The following KLHL8 variants were observed in gnomAD, a reference collection of about 807,000 sequenced individuals.
KLHL8 encodes kelch like family member 8.
In KLHL8, 38 loss-of-function variants were observed where a neutral mutation model predicts 63.5. That is an observed-to-expected ratio of 0.60 (90% confidence interval 0.46 to 0.78). The LOEUF is 0.78. KLHL8 is among the 30% of genes least tolerant of loss of function. The pLI is 0.00. For missense variants in KLHL8, 566 were observed against 752.4 expected, an observed-to-expected ratio of 0.75 and a Z score of 2.90; for synonymous variants, 224 against 254.3, an observed-to-expected ratio of 0.88 and a Z score of 1.13.
Position 87,217,030 on chromosome 4 carries a change from A to G in KLHL8, c.-152+3388T>C, listed in dbSNP as rs562513711. ...TGGAGATCTGGGATTCTAATAGAGA[A>G]TTGTGTAGTACCAGAAGTGAGCTCA... On this transcript the variant is annotated intron_variant, in intron 1 of 9. Transcript: ENST00000273963. Among the ~76,000 whole-genome samples, 9 of 152,276 alleles carry G rather than the reference A, an allele frequency of 5.9e-5. No individual in the cohort carries two copies. The East Asian group carries it at 1.7e-3, about 29-fold the overall frequency.
intron 1 of KLHL8, among the ~76,000 whole-genome samples, chr4:87,235,924 A>G (rs928315621): frequency 6.6e-6 from 1 of 152,094 alleles, no homozygotes; most frequent in Admixed American, 6.6e-5. Flanking sequence ...GGAAGGGGGA[A>G]TCGAAGGCGC....
At chr4:87,236,699 C>T (rs1294089202) in intron 1 of KLHL8, among the ~76,000 whole-genome samples, 1 of 134,432 alleles carries the variant, frequency 7.4e-6, no homozygotes, top group Non-Finnish European at 1.5e-5. Context: ...GAGTCTCACT[C>T]TGTCACCCAG....
intron 1 of KLHL8, chr4:87,207,154 T>C: frequency 3.6e-6 from 2 of 562,892 alleles, no homozygotes. Flanking sequence ...GGGTTGCTTT[T>C]AACTCTGGAA....
chr4:87,197,682 C>T (rs889045893), intron 1 of KLHL8, among the ~76,000 whole-genome samples: 7 of 152,194 alleles, frequency 4.6e-5, no homozygotes, highest in Admixed American at 2.0e-4. Flanking sequence ...TAGACACCTT[C>T]TGTCAGGTCT....
At position 87,161,236 on chromosome 4, in the gene KLHL8, G is replaced by C. The variant is rs1470272907; in HGVS notation, c.*2283C>G. 1 of 152,096 alleles carries C rather than the reference G, an allele frequency of 6.6e-6. No individual in the cohort carries two copies. The highest frequency in any genetic ancestry group is 2.1e-4 in the South Asian group (1 of 4,822). 9.4% of individuals were successfully genotyped at this position (152,096 alleles called of 1,614,324 possible). ...TTTTTGTACTTTTAGTAGAGACAGGGTTTCACCATGTTGGTCAGGCTGGTC... is the reference window on the plus strand; with the variant it reads ...TTTTTGTACTTTTAGTAGAGACAGGCTTTCACCATGTTGGTCAGGCTGGTC... On this transcript the variant is annotated 3_prime_UTR_variant, in exon 10 of 10. Coordinates refer to ENST00000273963, the MANE Select transcript of KLHL8 (RefSeq NM_020803.5).
At chr4:87,210,613 G>A (rs947491500) in intron 1 of KLHL8, among the ~76,000 whole-genome samples, 2 of 152,168 alleles carry the variant, frequency 1.3e-5, no homozygotes, top group Middle Eastern at 6.3e-3. Context: ...GATGGAAGAC[G>A]TGTGTGCATT....
chr4:87,219,391 T>C (rs910679214), intron 1 of KLHL8: 89 of 152,106 alleles, frequency 5.9e-4, no homozygotes, highest in African/African-American at 2.0e-3. Flanking sequence ...AGAAAAACAA[T>C]GCAAAGGAAA....
intron 1 of KLHL8, among the ~76,000 whole-genome samples, chr4:87,201,955 A>C (rs1731933010): frequency 6.6e-6 from 1 of 152,134 alleles, no homozygotes; most frequent in Non-Finnish European, 1.5e-5. Flanking sequence ...CTAAATCAAA[A>C]AAATTAGCTG....
At chr4:87,227,080 A>C (rs548737214) in intron 1 of KLHL8, among the ~76,000 whole-genome samples, 34 of 140,146 alleles carry the variant, frequency 2.4e-4, no homozygotes, top group African/African-American at 8.9e-4. Flanking sequence ...CAATCTGAAA[A>C]GTTTATTTTT....
chr4:87,199,228 T>C (rs1051813187), intron 1 of KLHL8, among the ~76,000 whole-genome samples: 1 of 152,148 alleles, frequency 6.6e-6, no homozygotes, highest in Admixed American at 6.6e-5. Context: ...GTAGCTATAA[T>C]ATCAAACACA....
At chr4:87,181,338 G>C (rs1158597924) in intron 4 of KLHL8, among the ~76,000 whole-genome samples, 1 of 151,866 alleles carries the variant, frequency 6.6e-6, no homozygotes, top group Non-Finnish European at 1.5e-5. Context: ...GCTTGAACCT[G>C]GGAGGCATGG....
At chr4:87,235,499 A>G (rs973824822) in intron 1 of KLHL8, among the ~76,000 whole-genome samples, 2 of 152,188 alleles carry the variant, frequency 1.3e-5, no homozygotes, top group Admixed American at 6.5e-5. Context: ...ATTTCTCAGA[A>G]TCTTGTTAAG....
chr4:87,210,793 C>A (rs978212565), intron 1 of KLHL8, among the ~76,000 whole-genome samples: 18 of 152,154 alleles, frequency 1.2e-4, no homozygotes, highest in African/African-American at 4.3e-4. Flanking sequence ...CTTTACCACC[C>A]CTCTCTCCTG....
chr4:87,202,936 A>G (rs1354295666), intron 1 of KLHL8, among the ~76,000 whole-genome samples: 1 of 152,202 alleles, frequency 6.6e-6, no homozygotes, highest in East Asian at 1.9e-4. Context: ...TAATCCAGCA[A>G]AATATAGAGA....
chr4:87,175,266 T>C (rs1402465338), intron 6 of KLHL8, among the ~76,000 whole-genome samples: 2 of 152,210 alleles, frequency 1.3e-5, no homozygotes. Flanking sequence ...AATACATCTA[T>C]AGATACGGAG....
At chr4:87,191,537 TTTTA>T (rs1394683585) in intron 2 of KLHL8, among the ~76,000 whole-genome samples, 4 of 152,156 alleles carry the variant, frequency 2.6e-5, no homozygotes, top group African/African-American at 7.2e-5. Flanking sequence ...ATTCTTACAG[TTTTA>T]TTTTTATTTT....
chr4:87,186,234 G>T (rs973901944), intron 2 of KLHL8, among the ~76,000 whole-genome samples: 1 of 151,812 alleles, frequency 6.6e-6, no homozygotes, highest in African/African-American at 2.4e-5. Flanking sequence ...TTTCAGTAGA[G>T]ACAGGGTTTC....
intron 6 of KLHL8, among the ~76,000 whole-genome samples, chr4:87,176,409 C>T (rs181422633): frequency 1.1e-3 from 173 of 152,284 alleles, no homozygotes; most frequent in African/African-American, 4.1e-3. Context: ...ATAGAGGGGA[C>T]AAAATCATCC....
chr4:87,207,585 C>G, intron 1 of KLHL8: 1 of 1,199,642 alleles, frequency 8.3e-7, no homozygotes, highest in Non-Finnish European at 1.2e-6. Flanking sequence ...TCCATGACAA[C>G]TTTGGTATCG....
Sources: gnomAD v4.1 joint callset for allele counts (sites outside exome capture counted in the v4.1 genomes callset) on GRCh38, gnomAD v4.1.1 for gene constraint, MANE v1.5 for transcripts, NCBI Gene and HGNC (gene_info 2026-07-23, HGNC 2026-07-21) for gene names.